Variants in FER1L6 observed in about 807,000 individuals in gnomAD.
FER1L6 encodes the protein fer-1 like family member 6.
A neutral mutation model predicts 219.2 loss-of-function variants in FER1L6; 177 were observed. That is an observed-to-expected ratio of 0.81 (90% CI 0.71 to 0.91). The LOEUF (loss-of-function observed/expected upper bound fraction) is 0.91, where lower values mean the gene tolerates loss of function less well. FER1L6 is among the 40% of genes least tolerant of loss of function. The probability of loss-of-function intolerance (pLI) is 0.00; values close to 1 mark genes in which losing one functional copy is unlikely to be tolerated. For missense variants in FER1L6, 2,153 were observed against 2,259.9 expected (o/e 0.95, Z 0.96); for synonymous variants, 768 against 824.3 (o/e 0.93, Z 1.17).
Position 123,885,480 on chromosome 8 carries a change from C to G in FER1L6, c.-8+33295C>G, listed in dbSNP as rs1181313025. ...AGGTAATACTGCATCTGTTTCTCCT[C>G]TAGCAGTAGTAATAGCCAACATTTA... On this transcript the variant is annotated intron_variant, in intron 1 of 40. Transcript: ENST00000522917. Among the ~76,000 whole-genome samples the G allele has an allele frequency of 2.6e-5, 4 of 152,330 alleles. No individual in the cohort carries two copies. The East Asian group carries it at 7.7e-4, about 29-fold the overall frequency.
At chr8:124,065,349 C>T (rs778158139) in intron 26 of FER1L6, among the ~76,000 whole-genome samples, 63 of 140,502 alleles carry the variant, frequency 4.5e-4, no homozygotes, top group South Asian at 2.5e-3. Flanking sequence ...TGCAGTGAGC[C>T]GAGATCATGC....
intron 5 of FER1L6, among the ~76,000 whole-genome samples, chr8:123,967,161 TTTCCC>T (rs1187506901): frequency 6.6e-6 from 1 of 152,062 alleles, no homozygotes; most frequent in Non-Finnish European, 1.5e-5. Context: ...GAGTAATGTG[TTTCCC>T]TCTGATCTTT....
chr8:124,008,416 G>A (rs1817766031), intron 13 of FER1L6, among the ~76,000 whole-genome samples: 2 of 152,172 alleles, frequency 1.3e-5, no homozygotes, highest in Non-Finnish European at 2.9e-5. Flanking sequence ...ACATGCGTGT[G>A]CATATCTTTT....
chr8:123,874,266 T>C (rs1400738019), intron 1 of FER1L6, among the ~76,000 whole-genome samples: 1 of 152,190 alleles, frequency 6.6e-6, no homozygotes, highest in Non-Finnish European at 1.5e-5. Context: ...TACCTTCTTT[T>C]CTCAAGTCAT....
chr8:124,013,549 C>T lies in FER1L6; in HGVS notation c.1922+18C>T, dbSNP rs745413506. On this transcript the variant is annotated intron_variant, in intron 15 of 40. Transcript: ENST00000522917. The stretch of plus-strand genomic sequence containing the variant: ...CGGAGCAGGTACCGGGAGAGACAGC[C>T]GGCATAGGCGGAGCTGAGCTTCTGT... The T allele has an allele frequency of 1.0e-5, 16 of 1,541,330 alleles. No individual in the cohort carries two copies. The highest frequency in any genetic ancestry group is 4.1e-5 in the Admixed American group (2 of 48,332).
chr8:124,013,588 A>C, intron 15 of FER1L6, 57 bp downstream of exon 15: 1 of 1,216,596 alleles, frequency 8.2e-7, no homozygotes, highest in Non-Finnish European at 1.1e-6. Flanking sequence ...CTCAGCTTTT[A>C]ATTACCTTGA....
intron 1 of FER1L6, among the ~76,000 whole-genome samples, chr8:123,951,448 C>A (rs376029421): frequency 5.3e-5 from 8 of 152,270 alleles, no homozygotes; most frequent in African/African-American, 1.9e-4. Flanking sequence ...TATATTTTAA[C>A]AATTTCTATT....
At chr8:124,115,900 G>C (rs1242245608) in intron 39 of FER1L6, among the ~76,000 whole-genome samples, 1 of 151,994 alleles carries the variant, frequency 6.6e-6, no homozygotes, top group Non-Finnish European at 1.5e-5. Flanking sequence ...TATGTGTTGT[G>C]CTATGCTATG....
chr8:123,915,301 G>C (rs1343173696), intron 1 of FER1L6, among the ~76,000 whole-genome samples: 6 of 152,254 alleles, frequency 3.9e-5, no homozygotes, highest in East Asian at 3.9e-4. Flanking sequence ...TGATAGCCAG[G>C]GGGGTGAGGG....
At chr8:124,044,963 TGACTG>T (rs1218209713) in intron 20 of FER1L6, among the ~76,000 whole-genome samples, 1 of 152,240 alleles carries the variant, frequency 6.6e-6, no homozygotes, top group African/African-American at 2.4e-5. Flanking sequence ...CTGTATCCAT[TGACTG>T]CTCCAACTGT....
At chr8:124,078,522 T>C (rs1182361573) in intron 32 of FER1L6, among the ~76,000 whole-genome samples, 1 of 152,204 alleles carries the variant, frequency 6.6e-6, no homozygotes, top group Non-Finnish European at 1.5e-5. Context: ...CAGAACTTCA[T>C]TTATTCCTCA....
At chr8:124,038,485 CA>C (rs1268834112) in intron 19 of FER1L6, among the ~76,000 whole-genome samples, 3 of 152,138 alleles carry the variant, frequency 2.0e-5, no homozygotes, top group African/African-American at 7.2e-5. Context: ...TGCACTACCC[CA>C]GTGATGGACA....
chr8:124,066,521 T>A lies in FER1L6; in HGVS notation c.3649T>A (p.Tyr1217Asn), dbSNP rs1289970560. Reference protein sequence around the residue: ...AENVIDWWSKYYASLKKAQKA... With the variant: ...AENVIDWWSKNYASLKKAQKA... ...AAACGTGATTGACTGGTGGTCTAAG[T>A]ATTATGCCTCCCTGAAGAAAGCCCA... Residue 1217 changes from tyrosine to asparagine, a missense_variant, in exon 27 of 41, where the codon TAT (tyrosine) becomes AAT (asparagine). Coordinates refer to ENST00000522917, the MANE Select transcript of FER1L6 (RefSeq NM_001039112.2). 6.2e-7 allele frequency: 1 copy of A among 1,613,952 alleles called. No homozygotes were observed. Among genetic ancestry groups the A allele is most frequent in the African/African-American group, 1.3e-5 (1 of 74,910 alleles).
At chr8:124,117,673 T>C (rs1411261728) in intron 39 of FER1L6, among the ~76,000 whole-genome samples, 1 of 152,214 alleles carries the variant, frequency 6.6e-6, no homozygotes, top group African/African-American at 2.4e-5. Flanking sequence ...CAGACAGCCC[T>C]GCCACTCCCT....
rs11780028 is a variant in FER1L6, at chr8:123,904,682, G to A, written c.-7-51310G>A. ...GATGCCAAGTTAGGGTTGACTTGAA[G>A]GGGTGTCTTCCACTGTTACACAGTG... On this transcript the variant is annotated intron_variant, in intron 1 of 40. Transcript: ENST00000522917. 5.3e-3 allele frequency among the ~76,000 whole-genome samples: 800 copies of A among 152,318 alleles called. 3 individuals are homozygous for A. The highest frequency in any genetic ancestry group is 8.4e-3 in the Non-Finnish European group (569 of 68,030).
chr8:123,912,765 G>C (rs1813076941), intron 1 of FER1L6, among the ~76,000 whole-genome samples: 1 of 152,112 alleles, frequency 6.6e-6, no homozygotes, highest in African/African-American at 2.4e-5. Flanking sequence ...CTGTGGTCAA[G>C]GTTAAAAATA....
At chr8:123,909,346 G>C (rs1028546648) in intron 1 of FER1L6, among the ~76,000 whole-genome samples, 1 of 152,152 alleles carries the variant, frequency 6.6e-6, no homozygotes, top group Non-Finnish European at 1.5e-5. Flanking sequence ...CTCCCAAGGA[G>C]TTTGGGCCTT....
At chr8:124,103,426 TGCAGAGGTTCTGCTAAGAA>T in intron 39 of FER1L6, 117 bp downstream of exon 39, 1 of 1,003,002 alleles carries the variant, frequency 1.0e-6, no homozygotes, top group Non-Finnish European at 1.5e-6. Context: ...GAACCCTTCA[TGCAGAGGTTCTGCTAAGAA>T]GCAAGAATTT....
Position 124,076,278 on chromosome 8 carries a change from A to AGACC in FER1L6, c.4175_4178dup (p.Asp1394ProfsTer3). On this transcript the variant is annotated frameshift_variant, in exon 32 of 41. Coordinates refer to ENST00000522917, the MANE Select transcript of FER1L6 (RefSeq NM_001039112.2). LOFTEE classifies it high-confidence loss of function. ...TCAAGCTTGGCAAGACAGAAATCAAAGACCGGGATAAATACATCCCTAAAC... is the reference window on the plus strand; with the variant it reads ...TCAAGCTTGGCAAGACAGAAATCAAAGACCGACCGGGATAAATACATCCCTAAAC... The AGACC allele has an allele frequency of 6.2e-7, 1 of 1,614,072 alleles. No individual in the cohort carries two copies. Among genetic ancestry groups the AGACC allele is most frequent in the Non-Finnish European group, 8.5e-7 (1 of 1,179,896 alleles).
Sources: allele counts gnomAD v4.1 joint callset (sites outside exome capture counted in the v4.1 genomes callset), GRCh38; gene constraint gnomAD v4.1.1; transcripts MANE v1.5; gene names NCBI Gene and HGNC (gene_info 2026-07-23, HGNC 2026-07-21).